The following FAM149A variants were observed in gnomAD, a reference collection of about 807,000 sequenced individuals.
FAM149A encodes the protein family with sequence similarity 149 member A.
A neutral mutation model predicts 78.2 loss-of-function variants in FAM149A; 71 were observed. The observed-to-expected ratio is 0.91, with a 90% CI of 0.75 to 1.11. FAM149A has a LOEUF of 1.11. FAM149A is among the 50% of genes least tolerant of loss of function. The pLI, the probability that FAM149A is intolerant of heterozygous loss-of-function variation, is 0.00. For synonymous variants in FAM149A, 446 were observed against 410.5 expected (o/e 1.09, Z -1.04); for missense variants, 1,036 against 971.0 (o/e 1.07, Z -0.89).
chr4:186,149,807 T>G, intron 3 of FAM149A, 103 bp downstream of exon 3: 1 of 749,008 alleles, frequency 1.3e-6, no homozygotes, highest in Non-Finnish European at 1.8e-6. Flanking sequence ...AAGCATGACC[T>G]ATTGCATACA....
chr4:186,161,004 A>ACGGTCTGGTCTGGT, intron 8 of FAM149A: 1 of 316,878 alleles, frequency 3.2e-6, no homozygotes, highest in Admixed American at 6.5e-5. Context: ...TGTCTGGTGT[A>ACGGTCTGGTCTGGT]GAGTGGACGT....
rs781348630 is a variant in FAM149A at position 186,154,489 on chromosome 4, A to G, written c.1080A>G (p.Gln360=). ...ATAGGTTGTGCATTTCTGGCTCTCAAATAGTCCCAGCAGCACTCTCAGCCT... is the reference window on the plus strand; with the variant it reads ...ATAGGTTGTGCATTTCTGGCTCTCAGATAGTCCCAGCAGCACTCTCAGCCT... The change falls in exon 6 of 14, where the codon CAA becomes CAG. Residue 360 remains glutamine (Q), a synonymous_variant. Coordinates refer to ENST00000389354, the MANE Select transcript of FAM149A (RefSeq NM_001367768.3). 3.7e-6 allele frequency: 6 copies of G among 1,611,896 alleles called. No homozygotes were observed. The South Asian group carries it at 4.4e-5, about 12-fold the overall frequency.
chr4:186,151,151 G>T (rs775865941), intron 3 of FAM149A: 88 of 705,088 alleles, frequency 1.2e-4, no homozygotes, highest in Non-Finnish European at 1.5e-4. Flanking sequence ...AGCACTGCTA[G>T]GAGGACCTTT....
In FAM149A at chr4:186,105,469, G is replaced by C. The variant is rs944587974; in HGVS notation, c.393G>C (p.Ser131=). 38 of 1,213,614 alleles carry C rather than the reference G, an allele frequency of 3.1e-5. No homozygotes were observed. The highest frequency in any genetic ancestry group is 3.8e-5 in the Non-Finnish European group (36 of 957,744). 75.2% of individuals were successfully genotyped at this position (1,213,614 alleles called of 1,614,324 possible). ...TGGTGGTCCCAGCGCGGCCGCCCTC[G>C]GGCCCCGGCGGGGTCTGGGCCGCGC... is the stretch of plus-strand genomic sequence containing the variant. The change falls in exon 1 of 14, where the codon TCG becomes TCC. Residue 131 remains serine, a synonymous_variant. Coordinates refer to ENST00000389354, the MANE Select transcript of FAM149A (RefSeq NM_001367768.3).
chr4:186,109,293 A>C (rs981315266), intron 1 of FAM149A: 18 of 775,636 alleles, frequency 2.3e-5, no homozygotes, highest in Non-Finnish European at 2.7e-5. Context: ...CATAGTTATT[A>C]GCAAGCATAT....
intron 1 of FAM149A, among the ~76,000 whole-genome samples, chr4:186,138,589 G>A (rs1380789146): frequency 2.0e-5 from 3 of 152,138 alleles, no homozygotes; most frequent in East Asian, 1.9e-4. Flanking sequence ...CCTCTGATCC[G>A]AGACAGTTTC....
At chr4:186,161,497 G>T (rs747045138) in intron 8 of FAM149A, among the ~76,000 whole-genome samples, 151 of 151,794 alleles carry the variant, frequency 9.9e-4, no homozygotes, top group Non-Finnish European at 1.7e-3. Context: ...GTATTTTTTT[G>T]GTCTCTTTAA....
chr4:186,126,514 G>A (rs542983465), intron 1 of FAM149A, among the ~76,000 whole-genome samples: 1 of 152,284 alleles, frequency 6.6e-6, no homozygotes, highest in South Asian at 2.1e-4. Context: ...AGAACAAAAA[G>A]GCAGAGGAAG....
intron 5 of FAM149A, 120 bp from the exon 6 acceptor site, chr4:186,154,348 C>G: frequency 1.3e-6 from 1 of 778,224 alleles, no homozygotes; most frequent in Non-Finnish European, 1.9e-6. Context: ...AATATTCAAC[C>G]GTTTTGGGAG....
chr4:186,166,335 T>A (rs1444023044), intron 11 of FAM149A, among the ~76,000 whole-genome samples: 1 of 152,170 alleles, frequency 6.6e-6, no homozygotes, highest in Non-Finnish European at 1.5e-5. Flanking sequence ...AGTGTTCATG[T>A]TTAACCTTAG....
chr4:186,157,492 C>G, intron 7 of FAM149A, 73 bp from the exon 8 acceptor site: 1 of 1,477,108 alleles, frequency 6.8e-7, no homozygotes. Flanking sequence ...TATTCTCTTT[C>G]AAGAGTGAAT....
chr4:186,160,514 C>G (rs1247378622), intron 8 of FAM149A, among the ~76,000 whole-genome samples: 1 of 148,994 alleles, frequency 6.7e-6, no homozygotes, highest in African/African-American at 2.5e-5. Context: ...ACCAAATACA[C>G]ACATACACAC....
rs977920131 is a variant in FAM149A at position 186,165,346 on chromosome 4, C to T, written c.1892C>T (p.Pro631Leu). 6 of 1,614,024 alleles carry T rather than the reference C, an allele frequency of 3.7e-6. No homozygotes were observed. Among genetic ancestry groups the T allele is most frequent in the South Asian group, 2.2e-5 (2 of 91,078 alleles). ...AGTGACATGATGATGTGTTGCAGGCCGACTGGCGTGGACCACATGGCTTCC... is the reference window on the plus strand; with the variant it reads ...AGTGACATGATGATGTGTTGCAGGCTGACTGGCGTGGACCACATGGCTTCC... The change falls in exon 11 of 14, where the codon CCG becomes CTG. Residue 631 changes from proline to leucine, a missense_variant and splice_region_variant. Around this residue, in one of 3 missense-constraint regions of FAM149A, gnomAD observed 716 missense variants for 711.8 expected, o/e 1.01. Coordinates refer to ENST00000389354, the MANE Select transcript of FAM149A (RefSeq NM_001367768.3).
chr4:186,104,942 A>G lies in FAM149A; in HGVS notation c.-135A>G. The G allele has an allele frequency of 8.7e-7, 1 of 1,152,300 alleles. No homozygotes were observed. Among genetic ancestry groups the G allele is most frequent in the Non-Finnish European group, 1.1e-6 (1 of 928,996 alleles). 71.4% of individuals were successfully genotyped at this position (1,152,300 alleles called of 1,614,324 possible). ...GCGGAGCTGAGCGTCCTCGGGGAGG[A>G]GAGGGAGCCAGGGGCCTCCGGGGCT... On this transcript the variant is annotated 5_prime_UTR_variant, in exon 1 of 14. Transcript: ENST00000389354.
At chr4:186,158,634 C>A in intron 8 of FAM149A, 2 of 243,044 alleles carry the variant, frequency 8.2e-6, no homozygotes, top group Non-Finnish European at 1.1e-5. Flanking sequence ...CCCCTGCACA[C>A]ACTGCCGCCC....
chr4:186,130,471 G>A (rs577396362), intron 1 of FAM149A, among the ~76,000 whole-genome samples: 16 of 151,102 alleles, frequency 1.1e-4, no homozygotes, highest in African/African-American at 3.9e-4. Flanking sequence ...ACCTGCTCGG[G>A]GTCAGGTGAT....
intron 13 of FAM149A, 76 bp downstream of exon 13, chr4:186,167,338 G>A (rs763465314): frequency 7.6e-7 from 1 of 1,318,316 alleles, no homozygotes; most frequent in South Asian, 1.2e-5. Context: ...AATGGAAGAT[G>A]ATCTACCTTG....
intron 13 of FAM149A, chr4:186,167,506 TCACTC>T: frequency 3.5e-6 from 1 of 285,714 alleles, no homozygotes; most frequent in African/African-American, 4.7e-5. Flanking sequence ...ACTGGGGGCC[TCACTC>T]AAAAAAAAAA....
chr4:186,119,885 A>G (rs1003489251), intron 1 of FAM149A, among the ~76,000 whole-genome samples: 1 of 152,234 alleles, frequency 6.6e-6, no homozygotes, highest in African/African-American at 2.4e-5. Flanking sequence ...CTAAGAGCCT[A>G]CATCAAATAA....
Sources: gnomAD v4.1 joint callset for allele counts (sites outside exome capture counted in the v4.1 genomes callset) on GRCh38, gnomAD v4.1.1 for gene constraint, gnomAD v4.1.1 regional missense constraint, MANE v1.5 for transcripts, NCBI Gene and HGNC (gene_info 2026-07-23, HGNC 2026-07-21) for gene names.